Variants in EVC observed in about 807,000 individuals in gnomAD.
EVC encodes EvC ciliary complex subunit 1.
In EVC, 116 loss-of-function variants were observed where a neutral mutation model predicts 118.9. That is an observed-to-expected ratio of 0.98 (90% CI 0.84 to 1.14). The LOEUF (loss-of-function observed/expected upper bound fraction) is 1.14. EVC is among the 50% of genes most tolerant of loss of function. The probability of loss-of-function intolerance (pLI) is 0.00; values close to 1 mark genes in which losing one functional copy is unlikely to be tolerated. For synonymous variants in EVC, 619 were observed against 534.7 expected, an observed-to-expected ratio of 1.16 and a Z score of -2.18; for missense variants, 1,401 against 1,246.4, an observed-to-expected ratio of 1.12 and a Z score of -1.87.
chr4:5,824,604 C>A, the EVC span: 2 of 950,778 alleles, frequency 2.1e-6, no homozygotes, highest in African/African-American at 3.5e-5. Context: ...TGTTTCTGTA[C>A]GATCCATGAC....
chr4:5,825,876 CATACCCACAT>C, the EVC span: 17,954 of 541,170 alleles, frequency 0.033, 397 homozygotes, highest in African/African-American at 0.053. This position sits in a 1 kb window ranked among gnomAD's most constrained non-coding sequence, Gnocchi z 4.4. Context: ...CACACATCTA[CATACCCACAT>C]GCATACACAT....
In EVC at chr4:5,754,088, C is replaced by T. The variant is rs1272434639; in HGVS notation, c.1464+155C>T. On this transcript the variant is annotated intron_variant, in intron 10 of 20. Transcript: ENST00000264956. This position sits in a 1 kb window ranked among gnomAD's most constrained non-coding sequence, Gnocchi z 5.8. ...AGTGACCGAATCTCAGTCCCTTAGC[C>T]CCTACATCCCTAGGGTCCTAGTGGA... 6.6e-6 allele frequency among the ~76,000 whole-genome samples: 1 copy of T among 152,156 alleles called. No homozygotes were observed. Among genetic ancestry groups the T allele is most frequent in the Non-Finnish European group, 1.5e-5 (1 of 68,026 alleles).
At chr4:5,724,024 A>G (rs1467932165) in intron 2 of EVC, among the ~76,000 whole-genome samples, 1 of 152,228 alleles carries the variant, frequency 6.6e-6, no homozygotes. Flanking sequence ...TTCATGTTTA[A>G]AAGATAATTC....
At chr4:5,715,778 C>G (rs111401342) in intron 1 of EVC, among the ~76,000 whole-genome samples, 2 of 123,822 alleles carry the variant, frequency 1.6e-5, no homozygotes, top group African/African-American at 3.2e-5. Flanking sequence ...GAGTCTTGCT[C>G]TGTCACCCAG....
chr4:5,736,666 T>TA (rs1309157962), intron 5 of EVC, among the ~76,000 whole-genome samples: 1 of 152,186 alleles, frequency 6.6e-6, no homozygotes, highest in Non-Finnish European at 1.5e-5. Flanking sequence ...ATTATTGTGT[T>TA]ATGGTGATCT....
chr4:5,760,321 T>C (rs1459359245), intron 11 of EVC, among the ~76,000 whole-genome samples: 1 of 152,034 alleles, frequency 6.6e-6, no homozygotes, highest in African/African-American at 2.4e-5. Flanking sequence ...GTTATGCATT[T>C]GGTTTTTCCC....
Position 5,752,731 on chromosome 4 carries a change from T to C in EVC, c.1099-105T>C, listed in dbSNP as rs535845454. On this transcript the variant is annotated intron_variant, in intron 8 of 20. Transcript: ENST00000264956. ...CTCTGAGCTCCGCTCTCCCAGGCAGTGCCATTAGTTAATGACCCTGGTGGC... is the reference window on the plus strand; with the variant it reads ...CTCTGAGCTCCGCTCTCCCAGGCAGCGCCATTAGTTAATGACCCTGGTGGC... 19 of 1,127,018 alleles carry C rather than the reference T, an allele frequency of 1.7e-5. No individual in the cohort carries two copies. The Admixed American group carries it at 2.8e-4, about 16-fold the overall frequency. The allele number at this position is 1,127,018 out of a possible 1,614,324, so 69.8% of individuals were successfully genotyped here. A position where few individuals can be genotyped will look rare whatever the true frequency, so the allele number is the denominator to read the frequency against.
chr4:5,733,309 G>C (rs771487366), intron 4 of EVC, 42 bp from the exon 5 acceptor site: 1 of 1,537,592 alleles, frequency 6.5e-7, no homozygotes, highest in Non-Finnish European at 9.0e-7. Flanking sequence ...CTTCATTTCC[G>C]ATACCCTGAA....
At chr4:5,770,127 C>T (rs1240838569) in intron 11 of EVC, among the ~76,000 whole-genome samples, 2 of 152,126 alleles carry the variant, frequency 1.3e-5, no homozygotes, top group African/African-American at 4.8e-5. Context: ...GCAGCACTTA[C>T]TCCCCCTGGC....
the EVC span, chr4:5,821,393 A>G: frequency 0.018 from 4,327 of 236,276 alleles, 61 homozygotes; most frequent in South Asian, 0.038. The surrounding 1 kb of genome is among the most constrained non-coding windows in gnomAD (Gnocchi z 4.4). Context: ...ACATGCATCA[A>G]CTATCCTAGA....
At chr4:5,786,191 A>G (rs1200929763) in intron 12 of EVC, among the ~76,000 whole-genome samples, 1 of 152,244 alleles carries the variant, frequency 6.6e-6, no homozygotes, top group African/African-American at 2.4e-5. Context: ...CACAATATCC[A>G]AATGATTCCA....
chr4:5,724,929 A>G (rs183538122), intron 2 of EVC, among the ~76,000 whole-genome samples: 6 of 151,706 alleles, frequency 4.0e-5, no homozygotes, highest in Admixed American at 6.6e-5. Context: ...CAATGTGTCT[A>G]TGTGTTCTCA....
chr4:5,818,645 C>T (rs549504670), downstream of EVC, among the ~76,000 whole-genome samples: 9 of 152,228 alleles, frequency 5.9e-5, no homozygotes, highest in Admixed American at 2.0e-4. Flanking sequence ...GCAGAGGAAG[C>T]GAGACCTGAG....
At chr4:5,791,183 A>G (rs1040907742) in intron 12 of EVC, among the ~76,000 whole-genome samples, 3 of 152,236 alleles carry the variant, frequency 2.0e-5, no homozygotes, top group Non-Finnish European at 2.9e-5. Context: ...TGGCTAAAGA[A>G]ACAATGTGCG....
At chr4:5,799,584 C>T (rs1560429887) in intron 15 of EVC, among the ~76,000 whole-genome samples, 1 of 152,136 alleles carries the variant, frequency 6.6e-6, no homozygotes, top group Non-Finnish European at 1.5e-5. Context: ...GGTAGGGCAC[C>T]CCTTACAGCA....
intron 1 of EVC, among the ~76,000 whole-genome samples, chr4:5,716,226 T>A (rs977044406): frequency 2.0e-5 from 3 of 152,072 alleles, no homozygotes; most frequent in Non-Finnish European, 4.4e-5. Flanking sequence ...CCAGGTGAGG[T>A]TTTTAAAGGT....
At chr4:5,751,716 C>G (rs535648867) in intron 8 of EVC, among the ~76,000 whole-genome samples, 4 of 152,148 alleles carry the variant, frequency 2.6e-5, no homozygotes, top group Admixed American at 2.6e-4. Context: ...AGACAGGAGC[C>G]CTGGGGCAGT....
downstream of EVC, among the ~76,000 whole-genome samples, chr4:5,818,147 T>C (rs1392686134): frequency 6.6e-6 from 1 of 152,184 alleles, no homozygotes; most frequent in Admixed American, 6.5e-5. Flanking sequence ...AGAGGTCTGA[T>C]GGTTTAGAAG....
At chr4:5,815,645 T>C (rs1180229421), downstream of EVC, among the ~76,000 whole-genome samples, 1 of 152,174 alleles carries the variant, frequency 6.6e-6, no homozygotes, top group African/African-American at 2.4e-5. Flanking sequence ...TCCCTTGTGC[T>C]GTCCCCCAGA....
Sources: gnomAD v4.1 joint callset for allele counts (sites outside exome capture counted in the v4.1 genomes callset) on GRCh38, gnomAD v4.1.1 for gene constraint, Gnocchi (gnomAD v3.1) non-coding constraint, MANE v1.5 for transcripts, NCBI Gene and HGNC (gene_info 2026-07-23, HGNC 2026-07-21) for gene names.